Variants in GASK1B observed in about 807,000 individuals in gnomAD.
GASK1B encodes Golgi-associated kinase 1B.
In GASK1B, 34 loss-of-function variants were observed where a neutral mutation model predicts 42.8. That is an observed-to-expected ratio of 0.79 (90% CI 0.60 to 1.06). The LOEUF is 1.06. GASK1B is among the 50% of genes least tolerant of loss of function. GASK1B has a pLI of 0.00. For missense variants in GASK1B, 686 were observed against 661.0 expected (o/e 1.04, Z -0.42); for synonymous variants, 262 against 259.1 (o/e 1.01, Z -0.11).
intron 2 of GASK1B, chr4:158,169,782 A>C (rs1301126506): frequency 6.1e-6 from 1 of 163,948 alleles, no homozygotes; most frequent in African/African-American, 2.4e-5. Flanking sequence ...AACTGGCTAC[A>C]TGTGTTAGAA....
At chr4:158,137,010 T>C (rs1730918766) in intron 3 of GASK1B, among the ~76,000 whole-genome samples, 1 of 152,176 alleles carries the variant, frequency 6.6e-6, no homozygotes, top group Admixed American at 6.5e-5. Flanking sequence ...AAGAGTCAAA[T>C]AAACCAAATG....
At chr4:158,145,814 A>T (rs1731309272) in intron 3 of GASK1B, among the ~76,000 whole-genome samples, 1 of 152,196 alleles carries the variant, frequency 6.6e-6, no homozygotes, top group South Asian at 2.1e-4. Flanking sequence ...AGTCTGCTAC[A>T]ATCAAGTGAA....
chr4:158,170,296 G>T, intron 2 of GASK1B, 170 bp downstream of exon 2: 3 of 1,614,268 alleles, frequency 1.9e-6, no homozygotes, highest in Non-Finnish European at 2.5e-6. Context: ...ATCCTCCCAG[G>T]CTGGGAAAAT....
At chr4:158,139,762 T>C (rs527997802) in intron 3 of GASK1B, among the ~76,000 whole-genome samples, 1 of 152,206 alleles carries the variant, frequency 6.6e-6, no homozygotes, top group South Asian at 2.1e-4. Flanking sequence ...TCCAAACAAA[T>C]GAGAGAAGTG....
intron 2 of GASK1B, among the ~76,000 whole-genome samples, chr4:158,159,107 T>C (rs1731869360): frequency 6.6e-6 from 1 of 152,178 alleles, no homozygotes; most frequent in Non-Finnish European, 1.5e-5. Context: ...ATTAATAGCC[T>C]ATGTTTTTCT....
At chr4:158,135,182 G>A (rs368854730) in intron 3 of GASK1B, among the ~76,000 whole-genome samples, 28 of 151,824 alleles carry the variant, frequency 1.8e-4, no homozygotes, top group Admixed American at 5.9e-4. Context: ...GATACCGGGC[G>A]TGGTGGCACA....
rs1385549666 is a variant in GASK1B, at chr4:158,170,122, T to C, written c.910+344A>G. The C allele has an allele frequency of 2.9e-6, 3 of 1,041,670 alleles. No homozygotes were observed. The African/African-American group carries it at 4.8e-5, about 17-fold the overall frequency. The allele number at this position is 1,041,670 out of a possible 1,614,324, so 64.5% of individuals were successfully genotyped here. A position where few individuals can be genotyped will look rare whatever the true frequency, so the allele number is the denominator to read the frequency against. ...AGTATGCCTGACTGTCAGCAAGTTCTTTGCCTCCAGCCTAGCTTCCTCTCC... is the reference window on the plus strand; with the variant it reads ...AGTATGCCTGACTGTCAGCAAGTTCCTTGCCTCCAGCCTAGCTTCCTCTCC... On this transcript the variant is annotated intron_variant, in intron 2 of 4. Coordinates refer to ENST00000585682, the MANE Select transcript of GASK1B (RefSeq NM_001128424.2).
rs758652166 is a variant in GASK1B at position 158,171,170 on chromosome 4, C to A, written c.206G>T (p.Gly69Val). Residue 69 changes from glycine (G) to valine (V), a missense_variant, in exon 2 of 5, where the codon GGG becomes GTG. By Grantham distance (109) the Gly-to-Val change is moderately radical. Transcript: ENST00000585682. ...SLQHGQAAEK[G>V]PHRSRDTAEP... ...GGCGGTGTCGCGGCTGCGATGTGGC[C>A]CCTTCTCAGCCGCCTGTCCATGCTG... 2.7e-5 allele frequency: 44 copies of A among 1,611,254 alleles called. No individual in the cohort carries two copies. The highest frequency in any genetic ancestry group is 3.7e-5 in the Non-Finnish European group (44 of 1,178,188).
At chr4:158,144,372 A>G (rs1050274518) in intron 3 of GASK1B, among the ~76,000 whole-genome samples, 1 of 152,226 alleles carries the variant, frequency 6.6e-6, no homozygotes, top group Non-Finnish European at 1.5e-5. Flanking sequence ...ATGGAAATAC[A>G]TATAGTAGAA....
chr4:158,171,097 T>C lies in GASK1B; in HGVS notation c.279A>G (p.Pro93=), dbSNP rs1732504394. Residue 93 remains proline (P), a synonymous_variant, in exon 2 of 5, where the codon CCA becomes CCG. Transcript: ENST00000585682. ...EIPLDGTLAP[P]ESQGNGSTLQ... The stretch of plus-strand genomic sequence containing the variant: ...GAGTGGACCCATTGCCCTGGGACTC[T>C]GGAGGGGCCAGGGTACCATCCAGGG... The C allele has an allele frequency of 6.2e-7, 1 of 1,609,634 alleles. No homozygotes were observed. The highest frequency in any genetic ancestry group is 1.3e-5 in the African/African-American group (1 of 74,978).
Position 158,170,800 on chromosome 4 carries a change from GC to G in GASK1B, c.575del (p.Gly192AlafsTer25), listed in dbSNP as rs1450763865. 2 of 1,614,148 alleles carry G rather than the reference GC, an allele frequency of 1.2e-6. No homozygotes were observed. Among genetic ancestry groups the G allele is most frequent in the African/African-American group, 1.3e-5 (1 of 75,056 alleles). On this transcript the variant is annotated frameshift_variant, in exon 2 of 5. Transcript: ENST00000585682. LOFTEE classifies it high-confidence loss of function. Reference protein sequence around the residue: ...LVRGPGVRAGGPDFLQPSSRE... With the variant: ...LVRGPGVRAGXPDFLQPSSRE... ...TGGAGCTGGGCTGCAGGAAGTCTGG[GC>G]CCCCGGCTCGCACTCCCGGACCCCG... is the stretch of plus-strand genomic sequence containing the variant.
At chr4:158,163,183 G>C (rs1732091854) in intron 2 of GASK1B, among the ~76,000 whole-genome samples, 1 of 152,146 alleles carries the variant, frequency 6.6e-6, no homozygotes, top group African/African-American at 2.4e-5. Context: ...TTCTACTCAA[G>C]TAAACATCAA....
intron 4 of GASK1B, among the ~76,000 whole-genome samples, chr4:158,130,109 T>C (rs1182503718): frequency 6.6e-6 from 1 of 152,200 alleles, no homozygotes; most frequent in Non-Finnish European, 1.5e-5. Context: ...CCCAGATCTT[T>C]GAGATCTTCC....
chr4:158,170,568 G>C lies in GASK1B; in HGVS notation c.808C>G (p.Gln270Glu), dbSNP rs1183077415. The change falls in exon 2 of 5, where the codon CAG becomes GAG. Residue 270 changes from glutamine (Q) to glutamate (E), a missense_variant. By Grantham distance (29) the Gln-to-Glu change is conservative. Coordinates refer to ENST00000585682, the MANE Select transcript of GASK1B (RefSeq NM_001128424.2). ...CGPSPCGLLK[Q>E]PLDMSEVFAF... ...AACACCTCACTCATGTCCAAGGGCT[G>C]CTTGAGAAGCCCACAGGGGCTAGGG... 1.2e-6 allele frequency: 2 copies of C among 1,614,160 alleles called. No individual in the cohort carries two copies. The highest frequency in any genetic ancestry group is 3.3e-5 in the Admixed American group (2 of 60,034).
intron 2 of GASK1B, chr4:158,169,707 C>T (rs1261826938): frequency 1.3e-5 from 2 of 153,816 alleles, no homozygotes; most frequent in Non-Finnish European, 2.9e-5. Flanking sequence ...CTTTAATATT[C>T]AGAGAATATC....
Position 158,124,916 on chromosome 4 carries a change from TAAA to T in GASK1B, c.*2488_*2490del, listed in dbSNP as rs1342633020. 1 of 152,130 alleles carries T rather than the reference TAAA, an allele frequency of 6.6e-6. No homozygotes were observed. Among genetic ancestry groups the T allele is most frequent in the Non-Finnish European group, 1.5e-5 (1 of 68,012 alleles). 9.4% of individuals were successfully genotyped at this position (152,130 alleles called of 1,614,324 possible). A position where few individuals can be genotyped will look rare whatever the true frequency, so the allele number is the denominator to read the frequency against. On this transcript the variant is annotated 3_prime_UTR_variant, in exon 5 of 5. Transcript: ENST00000585682. ...CATATTTATTTTTATATTATTAGCTTAAAGAAAGTAAGTCACACAAGAATAAGC... is the reference window on the plus strand; with the variant it reads ...CATATTTATTTTTATATTATTAGCTTGAAAGTAAGTCACACAAGAATAAGC...
At chr4:158,130,651 C>A (rs780427233) in intron 4 of GASK1B, 135 bp downstream of exon 4, 21 of 737,310 alleles carry the variant, frequency 2.8e-5, no homozygotes, top group Non-Finnish European at 4.6e-5. Flanking sequence ...TTTCTTGGGT[C>A]TCCATTCCCA....
intron 3 of GASK1B, among the ~76,000 whole-genome samples, chr4:158,135,304 G>C (rs1159949781): frequency 7.2e-6 from 1 of 139,748 alleles, no homozygotes; most frequent in East Asian, 2.0e-4. Context: ...GTGGGCGACA[G>C]GGTGAGACTC....
intron 1 of GASK1B, among the ~76,000 whole-genome samples, chr4:158,171,809 G>C (rs955030534): frequency 2.0e-5 from 3 of 152,138 alleles, no homozygotes; most frequent in Non-Finnish European, 4.4e-5. Context: ...AAAAATCCAA[G>C]AGTGTTTTAT....
Sources: allele counts gnomAD v4.1 joint callset (sites outside exome capture counted in the v4.1 genomes callset), GRCh38; gene constraint gnomAD v4.1.1; transcripts MANE v1.5; gene names NCBI Gene and HGNC (gene_info 2026-07-23, HGNC 2026-07-21).